LARGE1: variants seen among roughly 807,000 people sequenced by gnomAD.
LARGE1 encodes xylosyl- and glucuronyltransferase LARGE1.
A neutral mutation model predicts 87.6 loss-of-function variants in LARGE1; 43 were observed. The observed-to-expected ratio is 0.49, with a 90% CI of 0.38 to 0.63. LARGE1 has a LOEUF of 0.63. Ranked by LOEUF, LARGE1 falls within the 30% of genes least tolerant of loss-of-function variation. LARGE1 has a pLI of 0.00. For synonymous variants in LARGE1, 434 were observed against 394.6 expected (o/e 1.10, Z -1.18); for missense variants, 802 against 1,000.2 (o/e 0.80, Z 2.67).
At chr22:33,448,702 T>C (rs2067788268) in intron 6 of LARGE1, among the ~76,000 whole-genome samples, 1 of 152,186 alleles carries the variant, frequency 6.6e-6, no homozygotes, top group African/African-American at 2.4e-5. Context: ...TTCTCTCCCT[T>C]AAGCCAGAAA....
chr22:33,514,782 T>G (rs1414811637), intron 6 of LARGE1, among the ~76,000 whole-genome samples: 3 of 152,192 alleles, frequency 2.0e-5, no homozygotes, highest in African/African-American at 7.2e-5. Context: ...GTTTCAGTCC[T>G]ATTAAAGTGA....
intron 11 of LARGE1, among the ~76,000 whole-genome samples, chr22:33,241,776 G>A (rs1253179027): frequency 6.6e-6 from 1 of 152,024 alleles, no homozygotes; most frequent in African/African-American, 2.4e-5. Flanking sequence ...AATACCACAT[G>A]TTCTCACTCA....
chr22:33,468,015 C>T (rs1000809447), intron 6 of LARGE1, among the ~76,000 whole-genome samples: 7 of 152,076 alleles, frequency 4.6e-5, no homozygotes, highest in African/African-American at 1.7e-4. Context: ...TGGCAGAAGA[C>T]GAGCAATCTG....
intron 7 of LARGE1, among the ~76,000 whole-genome samples, chr22:33,425,630 C>T (rs1199895978): frequency 6.6e-6 from 1 of 152,202 alleles, no homozygotes; most frequent in East Asian, 1.9e-4. Flanking sequence ...TGGGATTATT[C>T]TACAGACTCC....
the LARGE1 span, among the ~76,000 whole-genome samples, chr22:33,117,430 A>G: frequency 1.0e-5 from 1 of 97,648 alleles, no homozygotes; most frequent in African/African-American, 4.4e-5. Flanking sequence ...CTCTCACATT[A>G]TTAACTTTTT....
chr22:33,894,374 T>A (rs2065079669), intron 1 of LARGE1, among the ~76,000 whole-genome samples: 1 of 152,280 alleles, frequency 6.6e-6, no homozygotes, highest in Non-Finnish European at 1.5e-5. Flanking sequence ...GTACACATCC[T>A]AGGTGAGAAA....
At chr22:33,851,162 G>A (rs1230936628) in intron 1 of LARGE1, among the ~76,000 whole-genome samples, 1 of 152,214 alleles carries the variant, frequency 6.6e-6, no homozygotes, top group East Asian at 1.9e-4. Context: ...GAGATAAGGA[G>A]GAGAGATTAC....
At chr22:33,086,923 T>C in the LARGE1 span, among the ~76,000 whole-genome samples, 7 of 152,334 alleles carry the variant, frequency 4.6e-5, no homozygotes, top group South Asian at 1.5e-3. Context: ...ATCATTTAAA[T>C]TTTTTGACAT....
intron 1 of LARGE1, among the ~76,000 whole-genome samples, chr22:33,785,225 A>G (rs112590650): frequency 6.6e-6 from 1 of 150,830 alleles, no homozygotes; most frequent in Non-Finnish European, 1.5e-5. Context: ...ATATACATAT[A>G]TGTGTATACA....
chr22:33,742,172 G>A (rs2083909035), intron 2 of LARGE1, among the ~76,000 whole-genome samples: 1 of 152,154 alleles, frequency 6.6e-6, no homozygotes, highest in Non-Finnish European at 1.5e-5. Flanking sequence ...CTTCCCAGGG[G>A]AGTGACTTTG....
intron 1 of LARGE1, among the ~76,000 whole-genome samples, chr22:33,770,215 T>C (rs909878025): frequency 1.4e-4 from 22 of 152,380 alleles, no homozygotes; most frequent in East Asian, 3.9e-4. Context: ...TACAAGTTAG[T>C]GTTGATATTA....
intron 6 of LARGE1, among the ~76,000 whole-genome samples, chr22:33,517,049 G>A (rs931449978): frequency 1.1e-4 from 17 of 152,162 alleles, no homozygotes; most frequent in Non-Finnish European, 2.2e-4. Flanking sequence ...AAAGGGACGA[G>A]GAGTGTGAAT....
chr22:33,096,130 C>A, the LARGE1 span, among the ~76,000 whole-genome samples: 15 of 152,088 alleles, frequency 9.9e-5, no homozygotes, highest in Non-Finnish European at 2.1e-4. Flanking sequence ...GGAGATAATA[C>A]CCAGGCCAGG....
At chr22:33,252,251 T>TC (rs34458283) in intron 11 of LARGE1, among the ~76,000 whole-genome samples, 1,909 of 111,330 alleles carry the variant, frequency 0.017, 27 homozygotes, top group Admixed American at 0.028. Context: ...ATTCCTTCAT[T>TC]CCCCCCCCCC....
intron 11 of LARGE1, among the ~76,000 whole-genome samples, chr22:33,233,297 GATGATA>G (rs755329072): frequency 2.0e-5 from 3 of 152,070 alleles, no homozygotes; most frequent in Non-Finnish European, 2.9e-5. Flanking sequence ...TGATGATGAT[GATGATA>G]ATGATGATGA....
chr22:33,581,749 T>C (rs1602550652), intron 5 of LARGE1, among the ~76,000 whole-genome samples: 2 of 149,768 alleles, frequency 1.3e-5, no homozygotes, highest in Admixed American at 1.3e-4. Context: ...GAGGCAGAGG[T>C]TGCAGTGAGC....
chr22:33,132,681 A>AT, the LARGE1 span, among the ~76,000 whole-genome samples: 5 of 151,688 alleles, frequency 3.3e-5, no homozygotes, highest in African/African-American at 7.3e-5. Flanking sequence ...GTTGTCTAAG[A>AT]TTTTTTCTGG....
chr22:33,802,512 C>T (rs2086192314), intron 1 of LARGE1, among the ~76,000 whole-genome samples: 1 of 152,158 alleles, frequency 6.6e-6, no homozygotes, highest in Admixed American at 6.5e-5. Flanking sequence ...AATTAACCTT[C>T]GGGGAACTCA....
chr22:33,700,444 A>G (rs917786473), intron 2 of LARGE1, among the ~76,000 whole-genome samples: 1 of 152,196 alleles, frequency 6.6e-6, no homozygotes, highest in Non-Finnish European at 1.5e-5. Flanking sequence ...CTCACAATCC[A>G]AAGTGGTATG....
Sources: allele counts gnomAD v4.1 joint callset (sites outside exome capture counted in the v4.1 genomes callset), GRCh38; gene constraint gnomAD v4.1.1; transcripts MANE v1.5; gene names NCBI Gene and HGNC (gene_info 2026-07-23, HGNC 2026-07-21).